Variants in NRG2 observed in about 807,000 individuals in gnomAD.
NRG2 encodes the protein neuregulin 2.
In NRG2, 27 loss-of-function variants were observed where a neutral mutation model predicts 73.9. That is an observed-to-expected ratio of 0.37 (90% CI 0.27 to 0.50). The LOEUF (loss-of-function observed/expected upper bound fraction) is 0.50, where lower values mean the gene tolerates loss of function less well. Ranked by LOEUF, NRG2 falls within the 20% of genes least tolerant of loss-of-function variation. The probability of loss-of-function intolerance (pLI) is 0.96; values close to 1 mark genes in which losing one functional copy is unlikely to be tolerated. For missense variants in NRG2, 1,126 were observed against 1,210.1 expected, an observed-to-expected ratio of 0.93 and a Z score of 1.03; for synonymous variants, 532 against 541.0, an observed-to-expected ratio of 0.98 and a Z score of 0.23.
chr5:139,952,639 GC>G (rs1485755273), intron 1 of NRG2, among the ~76,000 whole-genome samples: 1 of 152,202 alleles, frequency 6.6e-6, no homozygotes, highest in African/African-American at 2.4e-5. Context: ...TGTCCCCACA[GC>G]CTGCTCGCCC....
intron 3 of NRG2, 113 bp from the exon 4 acceptor site, chr5:139,871,954 A>G (rs989818565): frequency 7.0e-6 from 10 of 1,431,030 alleles, no homozygotes; most frequent in African/African-American, 1.4e-5. Context: ...GGCTGCAGGA[A>G]TGACTGGGGA....
At position 139,901,252 on chromosome 5, in the gene NRG2, G is replaced by C. The variant is rs188692843; in HGVS notation, c.701-13741C>G. Among the ~76,000 whole-genome samples, 149 of 152,312 alleles carry C rather than the reference G, an allele frequency of 9.8e-4. 2 individuals are homozygous for C. The highest frequency in any genetic ancestry group is 7.3e-3 in the Admixed American group (112 of 15,308). On this transcript the variant is annotated intron_variant, in intron 1 of 9. Transcript: ENST00000361474. ...TGAGTCCTGGTCTGTAAATTGCTTT[G>C]AGCTCTCAGGATGAAAGACTGTTGG...
intron 1 of NRG2, among the ~76,000 whole-genome samples, chr5:139,932,498 T>C (rs1453568260): frequency 1.3e-5 from 2 of 151,462 alleles, no homozygotes; most frequent in African/African-American, 4.9e-5. Context: ...AATTGGGAGA[T>C]GGAGGTCAAA....
chr5:140,020,091 A>G (rs935983324), intron 1 of NRG2, among the ~76,000 whole-genome samples: 5 of 152,118 alleles, frequency 3.3e-5, no homozygotes, highest in African/African-American at 7.2e-5. Context: ...TCATCTGTAT[A>G]CTCTGAACGT....
At chr5:139,912,087 T>C (rs1293047237) in intron 1 of NRG2, among the ~76,000 whole-genome samples, 8 of 152,088 alleles carry the variant, frequency 5.3e-5, no homozygotes, top group Admixed American at 4.6e-4. Context: ...CCCTCTTGGA[T>C]GGAATTTGCT....
chr5:139,946,985 C>T (rs904362503), intron 1 of NRG2, among the ~76,000 whole-genome samples: 3 of 151,760 alleles, frequency 2.0e-5, no homozygotes, highest in African/African-American at 7.3e-5. Flanking sequence ...CACCTCACAC[C>T]TATTAGGATG....
intron 1 of NRG2, among the ~76,000 whole-genome samples, chr5:140,003,581 G>A (rs961670391): frequency 1.3e-5 from 2 of 152,138 alleles, no homozygotes; most frequent in Non-Finnish European, 2.9e-5. Context: ...GAAGGAACAC[G>A]GTCTTGCCAG....
chr5:139,946,169 A>G (rs919416907), intron 1 of NRG2, among the ~76,000 whole-genome samples: 8 of 152,090 alleles, frequency 5.3e-5, no homozygotes, highest in Admixed American at 3.3e-4. Context: ...ATTTTGAAAA[A>G]GAAGAACAAA....
chr5:140,037,510 T>C (rs1295175572), intron 1 of NRG2, among the ~76,000 whole-genome samples: 1 of 152,220 alleles, frequency 6.6e-6, no homozygotes, highest in Non-Finnish European at 1.5e-5. Context: ...ACTAGGTAGA[T>C]AAGATCTTGG....
At chr5:139,952,878 C>T (rs1377485296) in intron 1 of NRG2, among the ~76,000 whole-genome samples, 2 of 152,292 alleles carry the variant, frequency 1.3e-5, no homozygotes, top group East Asian at 1.9e-4. Context: ...ATCTGGCCAG[C>T]TGTGAGCCTG....
At chr5:139,946,596 A>G (rs1220568184) in intron 1 of NRG2, among the ~76,000 whole-genome samples, 1 of 151,822 alleles carries the variant, frequency 6.6e-6, no homozygotes, top group Non-Finnish European at 1.5e-5. Flanking sequence ...AAGTATGAAC[A>G]AGAAAAGAAA....
At chr5:139,920,053 A>G (rs1325257244) in intron 1 of NRG2, among the ~76,000 whole-genome samples, 1 of 152,254 alleles carries the variant, frequency 6.6e-6, no homozygotes, top group Non-Finnish European at 1.5e-5. Flanking sequence ...GAATGAGACC[A>G]CAGGGAACAT....
At chr5:139,982,239 G>C (rs538843500) in intron 1 of NRG2, among the ~76,000 whole-genome samples, 1 of 152,136 alleles carries the variant, frequency 6.6e-6, no homozygotes, top group African/African-American at 2.4e-5. Context: ...CCCCCGATCT[G>C]CTCCTGCACT....
At chr5:139,878,245 C>T (rs1190209347) in intron 3 of NRG2, among the ~76,000 whole-genome samples, 1 of 152,276 alleles carries the variant, frequency 6.6e-6, no homozygotes, top group Non-Finnish European at 1.5e-5. Flanking sequence ...CTCTCAGTAG[C>T]CCCTGTGCAC....
Position 140,043,134 on chromosome 5 carries a change from C to A in NRG2, c.-65G>T. ...GCCGCCTTGGGAGGGGAAACAGAGC[C>A]CGCTGGAAAACCGGAAACAGCGTAA... On this transcript the variant is annotated 5_prime_UTR_variant, in exon 1 of 10. Coordinates refer to ENST00000361474, the MANE Select transcript of NRG2 (RefSeq NM_004883.3). This position sits in a 1 kb window ranked among gnomAD's most constrained non-coding sequence, Gnocchi z 6.7. 1.3e-6 allele frequency: 2 copies of A among 1,539,338 alleles called. 1 individual carries two copies. The highest frequency in any genetic ancestry group is 3.7e-5 in the Admixed American group (2 of 53,808).
intron 1 of NRG2, among the ~76,000 whole-genome samples, chr5:139,980,350 A>G (rs1029125686): frequency 1.6e-5 from 1 of 62,438 alleles, no homozygotes; most frequent in Non-Finnish European, 2.9e-5. Flanking sequence ...CAGCATCACC[A>G]AAAAAAAAAA....
chr5:139,971,302 G>A (rs948958914), intron 1 of NRG2, among the ~76,000 whole-genome samples: 4 of 152,130 alleles, frequency 2.6e-5, no homozygotes, highest in South Asian at 4.1e-4. Flanking sequence ...TCCACTAGAC[G>A]GTAAGTCATC....
intron 1 of NRG2, among the ~76,000 whole-genome samples, chr5:139,914,290 T>C (rs888190456): frequency 3.9e-5 from 6 of 152,050 alleles, no homozygotes; most frequent in African/African-American, 1.4e-4. Context: ...AGTATGGCGG[T>C]CAGAAGGAGG....
intron 1 of NRG2, among the ~76,000 whole-genome samples, chr5:139,934,456 A>G (rs149548138): frequency 1.4e-4 from 22 of 152,306 alleles, no homozygotes; most frequent in Admixed American, 1.4e-3. Context: ...TTGAACATGT[A>G]TGCCATAGGT....
Sources: gnomAD v4.1 joint callset for allele counts (sites outside exome capture counted in the v4.1 genomes callset) on GRCh38, gnomAD v4.1.1 for gene constraint, Gnocchi (gnomAD v3.1) non-coding constraint, MANE v1.5 for transcripts, NCBI Gene and HGNC (gene_info 2026-07-23, HGNC 2026-07-21) for gene names.